Variants in GNG4 observed in about 807,000 individuals in gnomAD.
GNG4 encodes the protein G protein subunit gamma 4, also known as guanine nucleotide-binding protein G(I)/G(S)/G(O) subunit gamma-4.
Under a neutral mutation model 5.8 loss-of-function variants are expected in GNG4, and 4 were observed. The ratio of observed to expected loss-of-function variants is 0.69; its 90% CI spans 0.34 to 1.57. GNG4 has a LOEUF of 1.57. Among genes scored for constraint, GNG4 ranks in the 40% most tolerant of loss-of-function variants. GNG4 has a pLI of 0.06. For synonymous variants in GNG4, 29 were observed against 32.9 expected (o/e 0.88, Z 0.41); for missense variants, 96 against 95.1 (o/e 1.01, Z -0.04).
chr1:235,610,126 A>AT (rs1558496061), intron 1 of GNG4, among the ~76,000 whole-genome samples: 1 of 152,218 alleles, frequency 6.6e-6, no homozygotes, highest in Non-Finnish European at 1.5e-5. Flanking sequence ...TGGAGTTCTT[A>AT]TGCCTCTTTA....
intron 1 of GNG4, among the ~76,000 whole-genome samples, chr1:235,623,685 G>A (rs1021561795): frequency 6.6e-6 from 1 of 152,092 alleles, no homozygotes; most frequent in Non-Finnish European, 1.5e-5. Context: ...GACCTCCAGG[G>A]AATCTTTCCT....
intron 1 of GNG4, among the ~76,000 whole-genome samples, chr1:235,622,194 C>A (rs1688725522): frequency 6.6e-6 from 1 of 152,100 alleles, no homozygotes; most frequent in Admixed American, 6.5e-5. Flanking sequence ...TTTCTAATTT[C>A]TCTTTTGATT....
intron 1 of GNG4, among the ~76,000 whole-genome samples, chr1:235,639,953 G>A (rs1657271337): frequency 6.6e-6 from 1 of 152,204 alleles, no homozygotes; most frequent in Admixed American, 6.5e-5. Flanking sequence ...CATGGGTGAA[G>A]GTAGGTCTGT....
Position 235,648,730 on chromosome 1 carries a change from A to G in GNG4, c.-123+932T>C, listed in dbSNP as rs1210313576. ...CGGCCTTTTGCTCCGGCTGAGAGGC[A>G]CGGGCCCGGTGCCAGCATTTGACAG... On this transcript the variant is annotated intron_variant, in intron 1 of 3. Coordinates refer to ENST00000391854, the MANE Select transcript of GNG4 (RefSeq NM_001098722.2). The surrounding 1 kb of genome is among the most constrained non-coding windows in gnomAD (Gnocchi z 5.0). 6.6e-6 allele frequency among the ~76,000 whole-genome samples: 1 copy of G among 152,168 alleles called. No homozygotes were observed. The highest frequency in any genetic ancestry group is 1.5e-5 in the Non-Finnish European group (1 of 68,026).
At chr1:235,586,384 G>A (rs1404441688) in intron 2 of GNG4, among the ~76,000 whole-genome samples, 1 of 152,178 alleles carries the variant, frequency 6.6e-6, no homozygotes, top group Non-Finnish European at 1.5e-5. Context: ...CTCTCCGTGT[G>A]TGTGTGTGTG....
In GNG4 at chr1:235,635,786, A is replaced by T. The variant is rs932367634; in HGVS notation, c.-123+13876T>A. On this transcript the variant is annotated intron_variant, in intron 1 of 3. Transcript: ENST00000391854. ...TGTGATTAATTCAGTAACATACTTA[A>T]ATTCATCTTTATTAATCCCAAAGGC... 3.9e-5 allele frequency among the ~76,000 whole-genome samples: 6 copies of T among 152,332 alleles called. No individual in the cohort carries two copies. In the South Asian group the frequency reaches 8.3e-4, roughly 21 times the overall value.
At chr1:235,600,496 G>A (rs1688237898) in intron 1 of GNG4, among the ~76,000 whole-genome samples, 1 of 151,946 alleles carries the variant, frequency 6.6e-6, no homozygotes, top group Non-Finnish European at 1.5e-5. Flanking sequence ...CCGGAGTGCA[G>A]TGGTGCAATC....
chr1:235,636,905 G>C (rs1424788060), intron 1 of GNG4, among the ~76,000 whole-genome samples: 1 of 151,068 alleles, frequency 6.6e-6, no homozygotes, highest in East Asian at 2.0e-4. Flanking sequence ...TGGAGTTCGA[G>C]TGGAAGCCCT....
rs531330125 is a variant in GNG4 at position 235,560,450 on chromosome 1, C to T, written c.100-8213G>A. 5.9e-5 allele frequency among the ~76,000 whole-genome samples: 9 copies of T among 152,260 alleles called. No homozygotes were observed. In the East Asian group the frequency reaches 7.7e-4, roughly 13 times the overall value. On this transcript the variant is annotated intron_variant, in intron 3 of 3. Coordinates refer to ENST00000391854, the MANE Select transcript of GNG4 (RefSeq NM_001098722.2). ...GGGTGACACTGCAAGTAGCCCCTCA[C>T]CAGAGGTAGCCCTTTCCCAGCCCCC...
At chr1:235,591,994 T>A (rs1376332691) in intron 2 of GNG4, among the ~76,000 whole-genome samples, 1 of 152,200 alleles carries the variant, frequency 6.6e-6, no homozygotes, top group African/African-American at 2.4e-5. Flanking sequence ...AATAAGTGAC[T>A]TGATAAGCAA....
Position 235,649,486 on chromosome 1 carries a change from A to T in GNG4, c.-123+176T>A, listed in dbSNP as rs116150795. 0.033 allele frequency among the ~76,000 whole-genome samples: 5,077 copies of T among 151,770 alleles called. 306 individuals carry two copies. The highest frequency in any genetic ancestry group is 0.12 in the African/African-American group (4,823 of 41,332). On this transcript the variant is annotated intron_variant, in intron 1 of 3. Coordinates refer to ENST00000391854, the MANE Select transcript of GNG4 (RefSeq NM_001098722.2). This position sits in a 1 kb window ranked among gnomAD's most constrained non-coding sequence, Gnocchi z 5.7. ...AGGTCCCGGGAGAGGAGGCCGAGGGAACCACAGGTCTTTGTGTCGCGTGCA... is the reference window on the plus strand; with the variant it reads ...AGGTCCCGGGAGAGGAGGCCGAGGGTACCACAGGTCTTTGTGTCGCGTGCA...
intron 1 of GNG4, among the ~76,000 whole-genome samples, chr1:235,645,869 C>T (rs1262363728): frequency 2.0e-5 from 3 of 150,770 alleles, no homozygotes; most frequent in South Asian, 4.2e-4. Flanking sequence ...CCTATTTTAT[C>T]GCCCTGCCTC....
chr1:235,607,831 G>T (rs930870779), intron 1 of GNG4, among the ~76,000 whole-genome samples: 6 of 152,054 alleles, frequency 3.9e-5, no homozygotes, highest in African/African-American at 1.4e-4. Context: ...ACAGGGCCCA[G>T]CCCCCTCCCC....
intron 1 of GNG4, among the ~76,000 whole-genome samples, chr1:235,610,045 A>AC (rs543531042): frequency 8.1e-4 from 124 of 152,182 alleles, no homozygotes; most frequent in Non-Finnish European, 1.3e-3. Flanking sequence ...CTCTAACGCT[A>AC]TTCAGATTTC....
chr1:235,607,937 A>ATT (rs140271145), intron 1 of GNG4, among the ~76,000 whole-genome samples: 16 of 132,746 alleles, frequency 1.2e-4, no homozygotes, highest in Non-Finnish European at 1.6e-4. Context: ...TGCTGTTTCT[A>ATT]TTTTTTTTTT....
chr1:235,572,203 A>C (rs1008590904), intron 3 of GNG4, among the ~76,000 whole-genome samples: 1 of 152,114 alleles, frequency 6.6e-6, no homozygotes, highest in Non-Finnish European at 1.5e-5. Context: ...GGTAAGGTAA[A>C]AATACAGTAC....
intron 1 of GNG4, among the ~76,000 whole-genome samples, chr1:235,610,763 G>T (rs1161694897): frequency 6.6e-6 from 1 of 151,980 alleles, no homozygotes; most frequent in Non-Finnish European, 1.5e-5. Flanking sequence ...TCTCACCCTG[G>T]CCATGTGTCT....
Position 235,551,862 on chromosome 1 carries a change from C to T in GNG4, c.*247G>A, listed in dbSNP as rs1686758914. Reference sequence around the variant, plus strand: ...TAAGTCCAGACTTACTTTTACATGGCACATTTGTTATTTGGCTATAAACAT... The same window carrying T: ...TAAGTCCAGACTTACTTTTACATGGTACATTTGTTATTTGGCTATAAACAT... On this transcript the variant is annotated 3_prime_UTR_variant, in exon 4 of 4. Transcript: ENST00000391854. 2 of 315,294 alleles carry T rather than the reference C, an allele frequency of 6.3e-6. No individual in the cohort carries two copies. Among genetic ancestry groups the T allele is most frequent in the African/African-American group, 2.1e-5 (1 of 46,878 alleles). The allele number at this position is 315,294 out of a possible 1,614,324, so 19.5% of individuals were successfully genotyped here.
chr1:235,629,081 A>G (rs1166705976), intron 1 of GNG4, among the ~76,000 whole-genome samples: 1 of 149,708 alleles, frequency 6.7e-6, no homozygotes, highest in Admixed American at 6.7e-5. Context: ...GCAATGGTGC[A>G]ATCACAGCTC....
Sources: gnomAD v4.1 joint callset for allele counts (sites outside exome capture counted in the v4.1 genomes callset) on GRCh38, gnomAD v4.1.1 for gene constraint, Gnocchi (gnomAD v3.1) non-coding constraint, MANE v1.5 for transcripts, NCBI Gene and HGNC (gene_info 2026-07-23, HGNC 2026-07-21) for gene names.